Variants in STAT3 observed in about 807,000 individuals in gnomAD.
The protein encoded by STAT3 is DNA-binding protein APRF.
In STAT3, 7 loss-of-function variants were observed where a neutral mutation model predicts 114.3. The observed-to-expected ratio is 0.06, with a 90% CI of 0.03 to 0.11. The LOEUF (loss-of-function observed/expected upper bound fraction) is 0.11, where lower values mean the gene tolerates loss of function less well. Among genes scored for constraint, STAT3 ranks in the 10% least tolerant of loss-of-function variants. The pLI, the probability that STAT3 is intolerant of heterozygous loss-of-function variation, is 1.00. For missense variants in STAT3, 364 were observed against 960.9 expected, an observed-to-expected ratio of 0.38 and a Z score of 8.21; for synonymous variants, 331 against 354.5, an observed-to-expected ratio of 0.93 and a Z score of 0.74.
intron 1 of STAT3, among the ~76,000 whole-genome samples, chr17:42,383,183 A>G (rs1033127536): frequency 6.7e-6 from 1 of 149,246 alleles, no homozygotes; most frequent in African/African-American, 2.6e-5. Context: ...CAGCCTCCAG[A>G]GTAGCTGGAA....
At chr17:42,351,862 G>A (rs1395199213) in intron 1 of STAT3, among the ~76,000 whole-genome samples, 3 of 151,882 alleles carry the variant, frequency 2.0e-5, no homozygotes, top group African/African-American at 4.8e-5. Context: ...GGGTTCAAGC[G>A]ATTTTCCTGC....
At chr17:42,351,129 CAAAAAAAAAAAA>C (rs139529559) in intron 1 of STAT3, among the ~76,000 whole-genome samples, 2 of 77,274 alleles carry the variant, frequency 2.6e-5, no homozygotes, top group Non-Finnish European at 5.7e-5. Context: ...GACTCCATCT[CAAAAAAAAAAAA>C]AAAAAAGAAA....
intron 1 of STAT3, among the ~76,000 whole-genome samples, chr17:42,363,150 T>A (rs2083601432): frequency 6.6e-6 from 1 of 152,182 alleles, no homozygotes; most frequent in Non-Finnish European, 1.5e-5. Context: ...GAATTACAAC[T>A]AAAGTGTGTA....
chr17:42,325,891 C>G (rs1371052465), intron 15 of STAT3, among the ~76,000 whole-genome samples: 5 of 152,184 alleles, frequency 3.3e-5, no homozygotes, highest in African/African-American at 4.8e-5. Flanking sequence ...ATTTTCATAT[C>G]AAGTTTGCTG....
chr17:42,363,307 G>A (rs2083609505), intron 1 of STAT3, among the ~76,000 whole-genome samples: 1 of 152,130 alleles, frequency 6.6e-6, no homozygotes, highest in Non-Finnish European at 1.5e-5. Context: ...TCTTCAATAA[G>A]AGTAAAATCA....
At chr17:42,325,164 C>A in intron 15 of STAT3, 103 bp from the exon 16 acceptor site, 2 of 1,103,442 alleles carry the variant, frequency 1.8e-6, no homozygotes, top group Non-Finnish European at 2.7e-6. Context: ...AAGGACATGC[C>A]ATAAACCACA....
chr17:42,340,756 C>T (rs2082412004), intron 4 of STAT3, among the ~76,000 whole-genome samples: 1 of 152,160 alleles, frequency 6.6e-6, no homozygotes, highest in African/African-American at 2.4e-5. Flanking sequence ...GACAGTGACT[C>T]ATCTGATTGG....
intron 1 of STAT3, among the ~76,000 whole-genome samples, chr17:42,367,197 G>C (rs542368384): frequency 6.6e-6 from 1 of 151,724 alleles, no homozygotes; most frequent in African/African-American, 2.4e-5. Context: ...GAAATTCGCC[G>C]GCATGGTGGC....
intron 2 of STAT3, among the ~76,000 whole-genome samples, chr17:42,347,005 A>G (rs2082727609): frequency 6.6e-6 from 1 of 152,056 alleles, no homozygotes; most frequent in African/African-American, 2.4e-5. Context: ...CCTGGCCAAC[A>G]TGGTGAAACG....
intron 14 of STAT3, among the ~76,000 whole-genome samples, chr17:42,328,334 A>C (rs946606411): frequency 6.6e-6 from 1 of 152,212 alleles, no homozygotes; most frequent in Non-Finnish European, 1.5e-5. Flanking sequence ...ACATTTTCCC[A>C]TATCATTGCA....
chr17:42,369,227 G>A (rs1424743144), intron 1 of STAT3, among the ~76,000 whole-genome samples: 1 of 152,098 alleles, frequency 6.6e-6, no homozygotes, highest in African/African-American at 2.4e-5. Flanking sequence ...GCATGGTGGA[G>A]GGCACCTGTA....
chr17:42,378,673 T>A (rs1197768780), intron 1 of STAT3, among the ~76,000 whole-genome samples: 1 of 152,244 alleles, frequency 6.6e-6, no homozygotes, highest in Admixed American at 6.5e-5. Context: ...ATATTTATTA[T>A]GTCTAAACCA....
chr17:42,322,266 A>T lies in STAT3; in HGVS notation c.2101+16T>A. 1 of 1,614,180 alleles carries T rather than the reference A, an allele frequency of 6.2e-7. No homozygotes were observed. Among genetic ancestry groups the T allele is most frequent in the Non-Finnish European group, 8.5e-7 (1 of 1,179,992 alleles). On this transcript the variant is annotated intron_variant, in intron 21 of 23. Coordinates refer to ENST00000264657, the MANE Select transcript of STAT3 (RefSeq NM_139276.3). ...TTCCCAAAAATTAAATGCCAGGAAC[A>T]TGGAAAATCAACAACTACCTGGGTC... is the stretch of plus-strand genomic sequence containing the variant.
rs2081633194 is a variant in STAT3, at chr17:42,324,769, G to A, written c.1542C>T (p.Ser514=). The change falls in exon 17 of 24, where the codon TCC becomes TCT. Residue 514 remains serine, a synonymous_variant. Transcript: ENST00000264657. This position sits in a 1 kb window ranked among gnomAD's most constrained non-coding sequence, Gnocchi z 4.5. ...VAEVLSWQFS[S]TTKRGLSIEQ... ...CGATGCTCAGTCCTCGCTTGGTGGT[G>A]GAGGAGAACTGCCAGCTCAGGACCT... is the stretch of plus-strand genomic sequence containing the variant. 2 of 1,614,056 alleles carry A rather than the reference G, an allele frequency of 1.2e-6. No individual in the cohort carries two copies. Among genetic ancestry groups the A allele is most frequent in the Admixed American group, 1.7e-5 (1 of 59,996 alleles).
intron 1 of STAT3, chr17:42,386,789 G>T (rs1263929245): frequency 6.6e-6 from 1 of 152,168 alleles, no homozygotes; most frequent in East Asian, 1.9e-4. Context: ...TGATGGATGT[G>T]CTAATATAGA....
chr17:42,340,031 T>C (rs899584725), intron 4 of STAT3, among the ~76,000 whole-genome samples: 4 of 151,694 alleles, frequency 2.6e-5, no homozygotes, highest in Admixed American at 6.6e-5. Flanking sequence ...ATTAAAGAAA[T>C]AACAAAAAAT....
intron 1 of STAT3, among the ~76,000 whole-genome samples, chr17:42,382,306 A>G (rs535134050): frequency 1.3e-5 from 2 of 152,354 alleles, no homozygotes; most frequent in South Asian, 2.1e-4. Flanking sequence ...CATTTTATCC[A>G]CATTATCTTA....
chr17:42,333,287 C>T lies in STAT3; in HGVS notation c.1049+386G>A, dbSNP rs2082098963. On this transcript the variant is annotated intron_variant, in intron 10 of 23. Coordinates refer to ENST00000264657, the MANE Select transcript of STAT3 (RefSeq NM_139276.3). The surrounding 1 kb of genome is among the most constrained non-coding windows in gnomAD (Gnocchi z 5.2). ...GTAACACCTCACCCTACAGGCCCACCACCCACCTGCCCTGGGGCCTCTCAG... is the reference window on the plus strand; with the variant it reads ...GTAACACCTCACCCTACAGGCCCACTACCCACCTGCCCTGGGGCCTCTCAG... 6.6e-6 allele frequency among the ~76,000 whole-genome samples: 1 copy of T among 152,204 alleles called. No homozygotes were observed. Among genetic ancestry groups the T allele is most frequent in the East Asian group, 1.9e-4 (1 of 5,174 alleles).
chr17:42,382,057 G>A (rs7211777), intron 1 of STAT3, among the ~76,000 whole-genome samples: 79,768 of 151,996 alleles, frequency 0.52, 24,074 homozygotes, highest in Admixed American at 0.7. Context: ...ACACAAGGCT[G>A]TTTTAAGCCT....
Sources: gnomAD v4.1 joint callset for allele counts (sites outside exome capture counted in the v4.1 genomes callset) on GRCh38, gnomAD v4.1.1 for gene constraint, Gnocchi (gnomAD v3.1) non-coding constraint, MANE v1.5 for transcripts, NCBI Gene and HGNC (gene_info 2026-07-23, HGNC 2026-07-21) for gene names.